The following FAT4 variants were observed in gnomAD, a reference collection of about 807,000 sequenced individuals.
The protein encoded by FAT4 is FAT atypical cadherin 4, also known as protocadherin Fat 4.
Under a neutral mutation model 303.9 loss-of-function variants are expected in FAT4, and 84 were observed. The observed-to-expected ratio is 0.28, with a 90% CI of 0.23 to 0.33. The LOEUF is 0.33. FAT4 is among the 10% of genes least tolerant of loss of function. The probability of loss-of-function intolerance (pLI) is 1.00; values close to 1 mark genes in which losing one functional copy is unlikely to be tolerated. For synonymous variants in FAT4, 2,307 were observed against 2,298.8 expected (o/e 1.00, Z -0.10); for missense variants, 6,005 against 6,146.8 (o/e 0.98, Z 0.77).
Position 125,449,487 on chromosome 4 carries a change from C to A in FAT4, c.8477C>A (p.Thr2826Lys). 6.2e-7 allele frequency: 1 copy of A among 1,613,846 alleles called. No homozygotes were observed. Among genetic ancestry groups the A allele is most frequent in the Non-Finnish European group, 8.5e-7 (1 of 1,179,838 alleles). Residue 2826 changes from threonine to lysine, a missense_variant, in exon 10 of 18, where the codon ACA becomes AAA. Coordinates refer to ENST00000394329, the MANE Select transcript of FAT4 (RefSeq NM_001291303.3). ...CTTCCATTTACAATTAATCCCAGCA[C>A]AGGGGATATTGTCATAAGCAGACCT... is the stretch of plus-strand genomic sequence containing the variant. Reference protein sequence around the residue: ...ASLPFTINPSTGDIVISRPLN... With the variant: ...ASLPFTINPSKGDIVISRPLN...
Position 125,491,819 on chromosome 4 carries a change from C to G in FAT4, c.*51C>G, listed in dbSNP as rs1365142708. ...ATAAAAACAAGAAATAATACTCAAACCATTGTAAAGTTGCTGACTAGGTTG... is the reference window on the plus strand; with the variant it reads ...ATAAAAACAAGAAATAATACTCAAAGCATTGTAAAGTTGCTGACTAGGTTG... On this transcript the variant is annotated 3_prime_UTR_variant, in exon 18 of 18. Coordinates refer to ENST00000394329, the MANE Select transcript of FAT4 (RefSeq NM_001291303.3). 1 of 1,499,606 alleles carries G rather than the reference C, an allele frequency of 6.7e-7. No individual in the cohort carries two copies. Among genetic ancestry groups the G allele is most frequent in the Non-Finnish European group, 8.9e-7 (1 of 1,123,550 alleles). The allele number at this position is 1,499,606 out of a possible 1,614,324, so 92.9% of individuals were successfully genotyped here. A position where few individuals can be genotyped will look rare whatever the true frequency, so the allele number is the denominator to read the frequency against.
rs1245307773 is a variant in FAT4 at position 125,468,508 on chromosome 4, A to T, written c.11906-4A>T. Reference sequence around the variant, plus strand: ...TGCCAGTTTGTCAATTTTCCCTCCAACAGGTGTCTTTGGAAAACACTGCGA... The same window carrying T: ...TGCCAGTTTGTCAATTTTCCCTCCATCAGGTGTCTTTGGAAAACACTGCGA... On this transcript the variant is annotated splice_region_variant and splice_polypyrimidine_tract_variant and intron_variant, in intron 11 of 17. Transcript: ENST00000394329. 1 of 1,476,474 alleles carries T rather than the reference A, an allele frequency of 6.8e-7. No individual in the cohort carries two copies. The highest frequency in any genetic ancestry group is 9.1e-7 in the Non-Finnish European group (1 of 1,102,610). 91.5% of individuals were successfully genotyped at this position (1,476,474 alleles called of 1,614,324 possible).
intron 2 of FAT4, among the ~76,000 whole-genome samples, chr4:125,336,024 C>G (rs1731557228): frequency 6.6e-6 from 1 of 151,978 alleles, no homozygotes; most frequent in African/African-American, 2.4e-5. Context: ...GTAAACAACT[C>G]CTGGTCATGT....
intron 2 of FAT4, among the ~76,000 whole-genome samples, chr4:125,366,172 T>G (rs2125988427): frequency 6.6e-6 from 1 of 152,310 alleles, no homozygotes; most frequent in East Asian, 1.9e-4. Flanking sequence ...TGGGGTTTGT[T>G]GTACAGATTA....
At chr4:125,475,630 A>G (rs1408060785) in intron 12 of FAT4, among the ~76,000 whole-genome samples, 1 of 152,150 alleles carries the variant, frequency 6.6e-6, no homozygotes, top group Admixed American at 6.5e-5. Context: ...AGGAGCACTT[A>G]CTTGATTTAA....
At chr4:125,489,366 C>A (rs1353006044) in intron 17 of FAT4, among the ~76,000 whole-genome samples, 2 of 152,116 alleles carry the variant, frequency 1.3e-5, no homozygotes, top group African/African-American at 4.8e-5. Context: ...TTTTTATCTG[C>A]CTTTTAGAGG....
chr4:125,438,605 A>G (rs1272253236), intron 8 of FAT4, among the ~76,000 whole-genome samples: 1 of 152,168 alleles, frequency 6.6e-6, no homozygotes. Flanking sequence ...AATTGAAGCT[A>G]TTTTTGTCTT....
At chr4:125,420,695 G>A (rs945105824) in intron 7 of FAT4, among the ~76,000 whole-genome samples, 1 of 152,166 alleles carries the variant, frequency 6.6e-6, no homozygotes, top group African/African-American at 2.4e-5. Context: ...TAAGGACCCA[G>A]TGAAGCATTT....
chr4:125,330,018 T>C (rs953422072), intron 2 of FAT4, among the ~76,000 whole-genome samples: 3 of 152,244 alleles, frequency 2.0e-5, no homozygotes, highest in South Asian at 2.1e-4. Flanking sequence ...CCTTGGATTA[T>C]TGAAGACATC....
intron 2 of FAT4, among the ~76,000 whole-genome samples, chr4:125,359,504 T>C (rs1732569141): frequency 6.6e-6 from 1 of 152,216 alleles, no homozygotes; most frequent in African/African-American, 2.4e-5. Flanking sequence ...CTGTGATTTA[T>C]AATACTGTTA....
chr4:125,414,905 A>T lies in FAT4; in HGVS notation c.5942A>T (p.Tyr1981Phe). 1.9e-6 allele frequency: 3 copies of T among 1,601,432 alleles called. No homozygotes were observed. Among genetic ancestry groups the T allele is most frequent in the Non-Finnish European group, 2.6e-6 (3 of 1,170,576 alleles). ...TCAGGCATCAACTCTCAATTGACTT[A>T]TAGCATTGCTTCAGGTGATAGCCTT... ...ADDGINSQLT[Y>F]SIASGDSLGQ... The change falls in exon 6 of 18, where the codon TAT becomes TTT. Residue 1981 changes from tyrosine (Y) to phenylalanine (F), a missense_variant. Tyr to Phe is a conservative substitution (Grantham distance 22). Transcript: ENST00000394329.
chr4:125,457,148 CACACACA>C (rs1726310012), intron 10 of FAT4, among the ~76,000 whole-genome samples: 1 of 131,672 alleles, frequency 7.6e-6, no homozygotes, highest in Non-Finnish European at 1.6e-5. Flanking sequence ...CACACACACA[CACACACA>C]CCACTGAGTA....
intron 2 of FAT4, among the ~76,000 whole-genome samples, chr4:125,390,837 A>AT (rs1328901939): frequency 1.3e-5 from 2 of 152,102 alleles, no homozygotes; most frequent in Non-Finnish European, 2.9e-5. Flanking sequence ...TATTAAGGAT[A>AT]TTTTTTCTGA....
At chr4:125,458,036 T>C (rs1726345084) in intron 10 of FAT4, among the ~76,000 whole-genome samples, 1 of 152,068 alleles carries the variant, frequency 6.6e-6, no homozygotes, top group Admixed American at 6.6e-5. Flanking sequence ...TGTTATAAAA[T>C]GCAGCATTTT....
chr4:125,367,090 G>A (rs1732915080), intron 2 of FAT4, among the ~76,000 whole-genome samples: 1 of 152,034 alleles, frequency 6.6e-6, no homozygotes, highest in African/African-American at 2.4e-5. Flanking sequence ...CCATACAGAA[G>A]CTTTTCTTTA....
chr4:125,429,912 A>G (rs1032035446), intron 7 of FAT4, among the ~76,000 whole-genome samples: 1 of 152,132 alleles, frequency 6.6e-6, no homozygotes, highest in Non-Finnish European at 1.5e-5. Context: ...CAGCACTTCA[A>G]ATAGGATGTA....
Position 125,449,273 on chromosome 4 carries a change from C to T in FAT4, c.8263C>T (p.Gln2755Ter). 1 of 1,613,928 alleles carries T rather than the reference C, an allele frequency of 6.2e-7. No individual in the cohort carries two copies. Among genetic ancestry groups the T allele is most frequent in the East Asian group, 2.2e-5 (1 of 44,856 alleles). The change falls in exon 10 of 18, where the codon CAG becomes TAG. Residue 2755 changes from glutamine (Q) to a stop codon, truncating the protein, a stop_gained. Coordinates refer to ENST00000394329, the MANE Select transcript of FAT4 (RefSeq NM_001291303.3). LOFTEE classifies it high-confidence loss of function. ...IKSSDKGSPS[Q>*]STSVKVMINI... is the part of the protein sequence containing the mutation. The stretch of plus-strand genomic sequence containing the variant: ...ATCATCAGACAAAGGGTCCCCGTCT[C>T]AGAGTACTTCAGTAAAAGTCATGAT...
chr4:125,318,053 A>T lies in FAT4; in HGVS notation c.1642A>T (p.Ile548Phe). 1.9e-6 allele frequency: 3 copies of T among 1,614,088 alleles called. No homozygotes were observed. The highest frequency in any genetic ancestry group is 2.5e-6 in the Non-Finnish European group (3 of 1,180,022). Reference sequence around the variant, plus strand: ...CCTGGACCGTGAACTTGCTTCCCAGATTGTTCTGAATATAAGTGCCCGGGA... The same window carrying T: ...CCTGGACCGTGAACTTGCTTCCCAGTTTGTTCTGAATATAAGTGCCCGGGA... ...GGLDRELASQ[I>F]VLNISARDQG... Residue 548 changes from isoleucine to phenylalanine, a missense_variant, in exon 2 of 18, where the codon ATT becomes TTT. Physicochemically the swap from Ile to Phe is conservative, Grantham distance 21. Transcript: ENST00000394329.
chr4:125,450,070 A>G lies in FAT4; in HGVS notation c.9060A>G (p.Glu3020=). ...IDDKDFGLNS[E]VEYFISNDNH... is the part of the protein sequence containing the mutation. ...ACAAAGATTTTGGACTGAATTCAGA[A>G]GTGGAGTATTTCATTTCTAATGATA... Residue 3020 remains glutamate, a synonymous_variant, in exon 10 of 18, where the codon GAA becomes GAG. Transcript: ENST00000394329. 6.2e-7 allele frequency: 1 copy of G among 1,613,942 alleles called. No individual in the cohort carries two copies.
Sources: gnomAD v4.1 joint callset for allele counts (sites outside exome capture counted in the v4.1 genomes callset) on GRCh38, gnomAD v4.1.1 for gene constraint, MANE v1.5 for transcripts, NCBI Gene and HGNC (gene_info 2026-07-23, HGNC 2026-07-21) for gene names.